The following SSBP3 variants were observed in gnomAD, a reference collection of about 807,000 sequenced individuals.
SSBP3 encodes single stranded DNA binding protein 3.
In SSBP3, 5 loss-of-function variants were observed where a neutral mutation model predicts 69.6. That is an observed-to-expected ratio of 0.07 (90% CI 0.04 to 0.15). SSBP3 has a LOEUF of 0.15. Ranked by LOEUF, SSBP3 falls within the 10% of genes least tolerant of loss-of-function variation. The pLI is 1.00. For synonymous variants in SSBP3, 196 were observed against 193.4 expected (o/e 1.01, Z -0.11); for missense variants, 312 against 534.0 (o/e 0.58, Z 4.10).
intron 9 of SSBP3, among the ~76,000 whole-genome samples, chr1:54,243,631 G>A (rs753970645): frequency 1.3e-5 from 2 of 152,190 alleles, no homozygotes; most frequent in African/African-American, 2.4e-5. Flanking sequence ...CTGGGCTCAG[G>A]CGGGTAAGAG....
At position 54,258,053 on chromosome 1, in the gene SSBP3, G is replaced by A. The variant is rs201396619; in HGVS notation, c.447+16C>T. 795 of 1,576,220 alleles carry A rather than the reference G, an allele frequency of 5.0e-4. 5 individuals carry two copies. The African/African-American group carries it at 9.0e-3, about 18-fold the overall frequency. On this transcript the variant is annotated intron_variant, in intron 6 of 17. Transcript: ENST00000610401. This position sits in a 1 kb window ranked among gnomAD's most constrained non-coding sequence, Gnocchi z 4.5. Reference sequence around the variant, plus strand: ...CCCCGCGTCCCCGGCGGGCGGGAGCGCCACGGTGCGTTTACCTGACTGTGG... The same window carrying A: ...CCCCGCGTCCCCGGCGGGCGGGAGCACCACGGTGCGTTTACCTGACTGTGG...
At chr1:54,395,921 G>A (rs187094681) in intron 4 of SSBP3, among the ~76,000 whole-genome samples, 19 of 152,234 alleles carry the variant, frequency 1.2e-4, no homozygotes, top group African/African-American at 1.7e-4. Flanking sequence ...GGCCAGGCGC[G>A]GTGGCTCACG....
At chr1:54,263,847 G>A (rs986337573) in intron 5 of SSBP3, among the ~76,000 whole-genome samples, 2 of 152,202 alleles carry the variant, frequency 1.3e-5, no homozygotes, top group African/African-American at 2.4e-5. Flanking sequence ...AGCAAGCCCC[G>A]GGGCAGGCAC....
At chr1:54,389,564 G>T (rs934833652) in intron 4 of SSBP3, among the ~76,000 whole-genome samples, 18 of 152,024 alleles carry the variant, frequency 1.2e-4, no homozygotes, top group African/African-American at 4.8e-5. Flanking sequence ...AGACAGAAAA[G>T]ATGCCAAATC....
chr1:54,269,065 G>A (rs646534), intron 5 of SSBP3, among the ~76,000 whole-genome samples: 62,492 of 151,926 alleles, frequency 0.41, 13,019 homozygotes, highest in South Asian at 0.48. Context: ...GCTGTGGCTC[G>A]GAATCTGCCC....
At chr1:54,380,892 G>A (rs190791630) in intron 4 of SSBP3, among the ~76,000 whole-genome samples, 6 of 152,044 alleles carry the variant, frequency 3.9e-5, no homozygotes, top group South Asian at 2.1e-4. Context: ...AGGCTGAAGC[G>A]GGACAACTGC....
intron 5 of SSBP3, among the ~76,000 whole-genome samples, chr1:54,276,686 C>A (rs528586763): frequency 2.6e-5 from 4 of 151,082 alleles, no homozygotes; most frequent in Non-Finnish European, 5.9e-5. Flanking sequence ...CCCGTCTCCA[C>A]GAAGCCACTG....
chr1:54,225,701 T>G (rs1644275234), exon 18 of SSBP3: 1 of 201,356 alleles, frequency 5.0e-6, no homozygotes, highest in Admixed American at 6.0e-5. Flanking sequence ...GAGAAGGGCA[T>G]GTCAATGTAC....
At chr1:54,252,035 C>T (rs1299439310) in intron 7 of SSBP3, among the ~76,000 whole-genome samples, 175 bp from the exon 8 acceptor site, 2 of 152,218 alleles carry the variant, frequency 1.3e-5, no homozygotes, top group Non-Finnish European at 2.9e-5. Context: ...TACCAGTCAG[C>T]TGGAAGTGGT....
At chr1:54,253,638 C>G (rs1050079259) in intron 7 of SSBP3, among the ~76,000 whole-genome samples, 2 of 152,206 alleles carry the variant, frequency 1.3e-5, no homozygotes, top group African/African-American at 4.8e-5. Context: ...CTCTGAATCA[C>G]TTGGCTGGTT....
intron 5 of SSBP3, among the ~76,000 whole-genome samples, chr1:54,261,505 C>T (rs1002486362): frequency 6.6e-6 from 1 of 152,234 alleles, no homozygotes; most frequent in African/African-American, 2.4e-5. Context: ...GAACTCTGAA[C>T]AGACCCAGCA....
rs562268910 is a variant in SSBP3, at chr1:54,239,520, CTGTGCTCT to C, written c.857-329_857-322del. ...AACATGGGGGCAGCAGAACCACCAC[CTGTGCTCT>C]CCTCCCACCACCTGTGCTCTCCCAC... is the stretch of plus-strand genomic sequence containing the variant. On this transcript the variant is annotated intron_variant, in intron 13 of 17. Coordinates refer to ENST00000610401, the Ensembl canonical transcript of SSBP3. 4.3e-3 allele frequency among the ~76,000 whole-genome samples: 659 copies of C among 152,072 alleles called. 3 individuals are homozygous for C. Among genetic ancestry groups the C allele is most frequent in the African/African-American group, 0.015 (631 of 41,536 alleles).
intron 4 of SSBP3, among the ~76,000 whole-genome samples, chr1:54,294,027 C>T (rs1004211510): frequency 6.6e-6 from 1 of 150,590 alleles, no homozygotes; most frequent in Admixed American, 6.6e-5. Context: ...GTAATCCCAG[C>T]TACTCGGGAG....
At chr1:54,354,951 T>C (rs1053465296) in intron 4 of SSBP3, among the ~76,000 whole-genome samples, 1 of 152,202 alleles carries the variant, frequency 6.6e-6, no homozygotes, top group African/African-American at 2.4e-5. Flanking sequence ...TGAAAAATCA[T>C]GAATGCCTCA....
At chr1:54,245,939 T>C (rs1315840533) in intron 9 of SSBP3, among the ~76,000 whole-genome samples, 1 of 152,168 alleles carries the variant, frequency 6.6e-6, no homozygotes, top group Non-Finnish European at 1.5e-5. Flanking sequence ...AATGACCCCT[T>C]TCCTCCACCC....
chr1:54,240,884 T>C, intron 13 of SSBP3, 21 bp downstream of exon 13: 1 of 1,612,574 alleles, frequency 6.2e-7, no homozygotes, highest in Non-Finnish European at 8.5e-7. Flanking sequence ...GACCCCCCAC[T>C]TTCCCCTCAA....
upstream of SSBP3, among the ~76,000 whole-genome samples, chr1:54,408,597 T>A (rs769265547): frequency 3.3e-5 from 5 of 152,330 alleles, no homozygotes; most frequent in Non-Finnish European, 7.4e-5. Flanking sequence ...CATGCCCTTA[T>A]CAACTTCATG....
At chr1:54,389,363 G>A (rs1570025531) in intron 4 of SSBP3, among the ~76,000 whole-genome samples, 1 of 152,076 alleles carries the variant, frequency 6.6e-6, no homozygotes, top group African/African-American at 2.4e-5. Context: ...CCAAAGCCAA[G>A]ATGTTTTCTT....
chr1:54,358,045 C>A (rs187744763), intron 4 of SSBP3, among the ~76,000 whole-genome samples: 16 of 152,296 alleles, frequency 1.1e-4, no homozygotes, highest in African/African-American at 3.9e-4. Context: ...ACCTCAATAG[C>A]CCTCTGCAGC....
Sources: gnomAD v4.1 joint callset for allele counts (sites outside exome capture counted in the v4.1 genomes callset) on GRCh38, gnomAD v4.1.1 for gene constraint, Gnocchi (gnomAD v3.1) non-coding constraint, MANE v1.5 for transcripts, NCBI Gene and HGNC (gene_info 2026-07-23, HGNC 2026-07-21) for gene names.